Variants in MSTO1 observed in about 807,000 individuals in gnomAD.
MSTO1 encodes the protein misato mitochondrial distribution and morphology regulator 1, also known as protein misato homolog 1.
Under a neutral mutation model 55.7 loss-of-function variants are expected in MSTO1, and 24 were observed. That is an observed-to-expected ratio of 0.43 (90% CI 0.31 to 0.61). The LOEUF is 0.61. MSTO1 is among the 20% of genes least tolerant of loss of function. MSTO1 has a pLI of 0.09. For missense variants in MSTO1, 363 were observed against 625.7 expected (o/e 0.58, Z 4.48); for synonymous variants, 162 against 252.8 (o/e 0.64, Z 3.41).
At chr1:155,609,144 T>C (rs989794438), upstream of MSTO1, among the ~76,000 whole-genome samples, 21 of 143,944 alleles carry the variant, frequency 1.5e-4, no homozygotes, top group African/African-American at 4.4e-4. Flanking sequence ...TGTTTCTAAA[T>C]ACACACAAGA....
the MSTO1 span, among the ~76,000 whole-genome samples, chr1:155,569,512 A>G: frequency 7.3e-6 from 1 of 137,058 alleles, no homozygotes; most frequent in Non-Finnish European, 1.5e-5. Context: ...ATCTCAGCTC[A>G]CTGCAACCTC....
intron 2 of MSTO1, 84 bp downstream of exon 2, chr1:155,610,644 T>A: frequency 6.6e-7 from 1 of 1,510,786 alleles, no homozygotes; most frequent in Non-Finnish European, 9.0e-7. Context: ...TTCAAGACCC[T>A]CCCACCTTAC....
chr1:155,588,213 A>G, the MSTO1 span, among the ~76,000 whole-genome samples: 15 of 152,132 alleles, frequency 9.9e-5, no homozygotes, highest in African/African-American at 3.4e-4. Context: ...GTCTCAAAAA[A>G]AAAAAAAAAA....
upstream of MSTO1, among the ~76,000 whole-genome samples, chr1:155,608,295 A>G (rs754194135): frequency 7.9e-5 from 12 of 152,082 alleles, no homozygotes; most frequent in Non-Finnish European, 1.6e-4. Flanking sequence ...TCTGGTTAGG[A>G]CTACAGATGT....
chr1:155,598,634 A>C, the MSTO1 span, among the ~76,000 whole-genome samples: 1 of 152,176 alleles, frequency 6.6e-6, no homozygotes, highest in South Asian at 2.1e-4. Flanking sequence ...AGGCAGGAGC[A>C]TCCCTTGAAC....
upstream of MSTO1, among the ~76,000 whole-genome samples, chr1:155,606,197 CCTTTTTTTTTTTTTTTTTTTTTT>C (rs1672931588): frequency 1.9e-5 from 1 of 53,294 alleles, no homozygotes; most frequent in African/African-American, 7.1e-5. Flanking sequence ...CCATGCCCAG[CCTTTTTTTTTTTTTTTTTTTTTT>C]TTTTTTTTTT....
At chr1:155,601,740 TTTTA>T in the MSTO1 span, among the ~76,000 whole-genome samples, 34 of 152,138 alleles carry the variant, frequency 2.2e-4, no homozygotes, top group Non-Finnish European at 4.6e-4. Flanking sequence ...TTCTTCTGCC[TTTTA>T]TTTATTTATT....
upstream of MSTO1, among the ~76,000 whole-genome samples, chr1:155,608,569 G>C (rs1673051592): frequency 2.1e-5 from 3 of 145,484 alleles, no homozygotes; most frequent in African/African-American, 7.7e-5. Flanking sequence ...GCGCGATCTC[G>C]GCTCACCGCA....
chr1:155,607,946 G>A (rs113832451), upstream of MSTO1, among the ~76,000 whole-genome samples: 10 of 152,254 alleles, frequency 6.6e-5, no homozygotes, highest in African/African-American at 2.4e-4. Context: ...TCAGTGAGCC[G>A]GGAGATTGCA....
the MSTO1 span, among the ~76,000 whole-genome samples, chr1:155,588,473 T>C: frequency 2.0e-5 from 3 of 152,088 alleles, no homozygotes; most frequent in Admixed American, 6.6e-5. Flanking sequence ...CATGATCAAC[T>C]CATGAACGAG....
upstream of MSTO1, chr1:155,609,817 G>C (rs927920901): frequency 2.0e-5 from 4 of 202,230 alleles, no homozygotes; most frequent in Non-Finnish European, 4.1e-5. Context: ...AAGGGGCATG[G>C]GAGGCTTTAG....
chr1:155,564,330 C>G, the MSTO1 span, among the ~76,000 whole-genome samples: 2 of 152,138 alleles, frequency 1.3e-5, no homozygotes, highest in Admixed American at 1.3e-4. Flanking sequence ...CCCGTCTCTA[C>G]TAAAAATACA....
chr1:155,612,936 G>A lies in MSTO1; in HGVS notation c.1059G>A (p.Met353Ile), dbSNP rs149262326. 237 of 1,613,916 alleles carry A rather than the reference G, an allele frequency of 1.5e-4. No individual in the cohort carries two copies. The African/African-American group carries it at 2.8e-3, about 19-fold the overall frequency. The change falls in exon 10 of 14, where the codon ATG becomes ATA. Residue 353 changes from methionine to isoleucine, a missense_variant. Met to Ile is a conservative substitution (Grantham distance 10). This residue lies in a region of MSTO1 where 231 missense variants were observed against 286.9 expected (regional missense o/e 0.81). Transcript: ENST00000245564. ...GCCTGTGTTCCTCTCCAGTTTCCAT[G>A]GTTCATCTGGCTGACATGCTGAGCT... ...PYRLCSSPVS[M>I]VHLADMLSFC...
the MSTO1 span, among the ~76,000 whole-genome samples, chr1:155,600,975 C>CTTT: frequency 6.7e-5 from 8 of 119,132 alleles, no homozygotes; most frequent in South Asian, 2.7e-4. Flanking sequence ...TGTGCTAGGC[C>CTTT]TTTTTTTTTT....
chr1:155,564,172 A>C, the MSTO1 span, among the ~76,000 whole-genome samples: 1 of 152,252 alleles, frequency 6.6e-6, no homozygotes, highest in Non-Finnish European at 1.5e-5. Context: ...CTGGGGATCC[A>C]GGAAGTAATT....
At chr1:155,595,474 G>T in the MSTO1 span, among the ~76,000 whole-genome samples, 1 of 149,982 alleles carries the variant, frequency 6.7e-6, no homozygotes, top group Non-Finnish European at 1.5e-5. Flanking sequence ...CACCGCGCCC[G>T]GCCTCAATTT....
At chr1:155,575,671 T>C in the MSTO1 span, among the ~76,000 whole-genome samples, 2 of 152,100 alleles carry the variant, frequency 1.3e-5, no homozygotes, top group African/African-American at 4.8e-5. Context: ...CTCAAACTCC[T>C]GGGCATAAGC....
chr1:155,598,221 A>G, the MSTO1 span, among the ~76,000 whole-genome samples: 2 of 151,426 alleles, frequency 1.3e-5, no homozygotes, highest in African/African-American at 4.9e-5. Flanking sequence ...GGTTCAAGCA[A>G]TTCTCCCGCC....
At chr1:155,591,361 C>T in the MSTO1 span, 3 of 921,846 alleles carry the variant, frequency 3.3e-6, no homozygotes, top group Non-Finnish European at 4.9e-6. Context: ...CTAGATTGGC[C>T]CACAAATGCT....
Sources: allele counts gnomAD v4.1 joint callset (sites outside exome capture counted in the v4.1 genomes callset), GRCh38; gene constraint gnomAD v4.1.1; regional missense constraint gnomAD v4.1.1; transcripts MANE v1.5; gene names NCBI Gene and HGNC (gene_info 2026-07-23, HGNC 2026-07-21).